The following MGAT5 variants were observed in gnomAD, a reference collection of about 807,000 sequenced individuals.
MGAT5 encodes alpha-1,6-mannosylglycoprotein 6-beta-N-acetylglucosaminyltransferase A.
In MGAT5, 30 loss-of-function variants were observed where a neutral mutation model predicts 94.3. The ratio of observed to expected loss-of-function variants is 0.32; its 90% CI spans 0.24 to 0.43. MGAT5 has a LOEUF of 0.43. MGAT5 is among the 20% of genes least tolerant of loss of function. The pLI is 1.00. For missense variants in MGAT5, 691 were observed against 905.5 expected, an observed-to-expected ratio of 0.76 and a Z score of 3.04; for synonymous variants, 310 against 322.9, an observed-to-expected ratio of 0.96 and a Z score of 0.43.
intron 10 of MGAT5, among the ~76,000 whole-genome samples, chr2:134,374,220 T>G (rs890456873): frequency 2.6e-5 from 4 of 152,176 alleles, no homozygotes; most frequent in Non-Finnish European, 5.9e-5. Flanking sequence ...CTCTTTCCGG[T>G]GGCTGTTTAC....
intron 1 of MGAT5, among the ~76,000 whole-genome samples, chr2:134,192,092 TG>T (rs1192314588): frequency 2.3e-5 from 3 of 132,816 alleles, no homozygotes; most frequent in Non-Finnish European, 3.2e-5. Flanking sequence ...GATGGAAGGG[TG>T]GGTTTGCGCG....
chr2:134,148,935 T>C (rs546253373), intron 1 of MGAT5, among the ~76,000 whole-genome samples: 3 of 152,204 alleles, frequency 2.0e-5, no homozygotes, highest in Admixed American at 2.0e-4. Flanking sequence ...ATTTTTGTTT[T>C]TGTACTTTTA....
intron 11 of MGAT5, 26 bp downstream of exon 11, chr2:134,403,163 T>C (rs771647639): frequency 1.3e-6 from 2 of 1,583,910 alleles, no homozygotes; most frequent in Non-Finnish European, 1.7e-6. Context: ...GGATGTGGTG[T>C]TCAGGTTATT....
chr2:134,319,858 A>G (rs908673722), intron 4 of MGAT5: 9 of 264,554 alleles, frequency 3.4e-5, no homozygotes, highest in African/African-American at 1.8e-4. Flanking sequence ...TAGCATGTGT[A>G]TGCTCAATTT....
chr2:134,420,784 C>T (rs955868795), intron 12 of MGAT5, among the ~76,000 whole-genome samples: 1 of 151,990 alleles, frequency 6.6e-6, no homozygotes, highest in African/African-American at 2.4e-5. Context: ...CTTGCCTACC[C>T]GTGTAATTTC....
At chr2:134,166,542 T>C (rs1249392959) in intron 1 of MGAT5, among the ~76,000 whole-genome samples, 1 of 152,236 alleles carries the variant, frequency 6.6e-6, no homozygotes, top group East Asian at 1.9e-4. Context: ...CTGAACTTCA[T>C]CTTTCAGACA....
At position 134,338,384 on chromosome 2, in the gene MGAT5, A is replaced by G. The variant is rs1688451195; in HGVS notation, c.771A>G (p.Ala257=). The G allele has an allele frequency of 1.9e-6, 3 of 1,611,536 alleles. No homozygotes were observed. The highest frequency in any genetic ancestry group is 2.5e-6 in the Non-Finnish European group (3 of 1,179,010). The change falls in exon 6 of 16, where the codon GCA becomes GCG. Residue 257 remains alanine, a synonymous_variant. Coordinates refer to ENST00000281923, the MANE Select transcript of MGAT5 (RefSeq NM_002410.5). ...DAWIQAIKSL[A]EKQNLEKRKR... ...GGATCCAAGCAATCAAGTCCCTGGC[A>G]GAAAAGCAGAACCTTGAAAAGAGAA... is the stretch of plus-strand genomic sequence containing the variant.
intron 2 of MGAT5, among the ~76,000 whole-genome samples, chr2:134,296,395 A>C (rs1685674543): frequency 6.6e-6 from 1 of 152,036 alleles, no homozygotes; most frequent in Admixed American, 6.6e-5. Context: ...AGTTTTTGTG[A>C]ATTTCCTGTT....
intron 10 of MGAT5, among the ~76,000 whole-genome samples, chr2:134,377,649 T>C (rs1000344628): frequency 5.9e-5 from 9 of 152,190 alleles, no homozygotes; most frequent in African/African-American, 2.2e-4. Flanking sequence ...ACAAAGGCAA[T>C]GTAGGCAGTG....
rs574881076 is a variant in MGAT5, at chr2:134,238,026, G to A, written c.-142-16236G>A. 2.5e-3 allele frequency among the ~76,000 whole-genome samples: 388 copies of A among 152,230 alleles called. 1 individual carries two copies. The highest frequency in any genetic ancestry group is 4.4e-3 in the South Asian group (21 of 4,810). ...GACCTCCCAAAGTGCTGGGATTACA[G>A]GCGTGAGCCACTGCGCCCGGCCTCC... On this transcript the variant is annotated intron_variant, in intron 1 of 16. Transcript: ENST00000409645.
At chr2:134,369,990 A>G (rs1680685258) in intron 10 of MGAT5, among the ~76,000 whole-genome samples, 1 of 152,176 alleles carries the variant, frequency 6.6e-6, no homozygotes, top group Non-Finnish European at 1.5e-5. Flanking sequence ...CTTTCCAGTA[A>G]GATTTAACTG....
At chr2:134,437,203 T>A in intron 14 of MGAT5, among the ~76,000 whole-genome samples, 1 of 152,184 alleles carries the variant, frequency 6.6e-6, no homozygotes. Flanking sequence ...TTGGTCAGGC[T>A]GGTCTCAAAC....
intron 1 of MGAT5, among the ~76,000 whole-genome samples, chr2:134,267,234 A>G (rs1683773962): frequency 6.6e-6 from 1 of 152,190 alleles, no homozygotes; most frequent in South Asian, 2.1e-4. Context: ...GGTGGGTAAG[A>G]GCCATCAGCC....
chr2:134,239,808 A>G (rs1681872982), intron 1 of MGAT5, among the ~76,000 whole-genome samples: 1 of 152,154 alleles, frequency 6.6e-6, no homozygotes, highest in Non-Finnish European at 1.5e-5. Flanking sequence ...ACGTAATACA[A>G]GAAGATAAAA....
At chr2:134,123,409 A>G (rs1685705352) in intron 1 of MGAT5, among the ~76,000 whole-genome samples, 1 of 152,198 alleles carries the variant, frequency 6.6e-6, no homozygotes, top group Admixed American at 6.5e-5. Flanking sequence ...AGAAAACTGC[A>G]GAGCAGTCAT....
rs891152188 is a variant in MGAT5, at chr2:134,254,253, C to T, written c.-151C>T. The T allele has an allele frequency of 3.4e-6, 3 of 892,314 alleles. No individual in the cohort carries two copies. Among genetic ancestry groups the T allele is most frequent in the Non-Finnish European group, 5.1e-6 (3 of 593,754 alleles). 55.3% of individuals were successfully genotyped at this position (892,314 alleles called of 1,614,324 possible). ...TGACCACTTGGCTAATTCTTCTCCT[C>T]CTTCACAGCAGAATGGAAGTGAGGA... On this transcript the variant is annotated 5_prime_UTR_variant, in exon 1 of 16. Coordinates refer to ENST00000281923, the MANE Select transcript of MGAT5 (RefSeq NM_002410.5).
intron 14 of MGAT5, among the ~76,000 whole-genome samples, chr2:134,439,960 C>T (rs1015195371): frequency 6.6e-6 from 1 of 152,174 alleles, no homozygotes; most frequent in Admixed American, 6.5e-5. Context: ...ACTCCTCCTC[C>T]GCACAGATCT....
rs781502687 is a variant in MGAT5, at chr2:134,312,399, G to A, written c.407-5130G>A. 7.1e-4 allele frequency among the ~76,000 whole-genome samples: 108 copies of A among 152,296 alleles called. No individual in the cohort carries two copies. The Middle Eastern group carries it at 0.024, about 34-fold the overall frequency. On this transcript the variant is annotated intron_variant, in intron 2 of 15. Coordinates refer to ENST00000281923, the MANE Select transcript of MGAT5 (RefSeq NM_002410.5). ...TCTCCCACTACTGCAGCTTCCTGCT[G>A]TTTTCCTCAGCTGTGTGGCATGTGC...
chr2:134,261,710 A>G (rs1178666143), intron 1 of MGAT5, among the ~76,000 whole-genome samples: 2 of 152,070 alleles, frequency 1.3e-5, no homozygotes, highest in African/African-American at 2.4e-5. Flanking sequence ...CCCACTTACA[A>G]TGTAAGTTCT....
Sources: allele counts gnomAD v4.1 joint callset (sites outside exome capture counted in the v4.1 genomes callset), GRCh38; gene constraint gnomAD v4.1.1; transcripts MANE v1.5; gene names NCBI Gene and HGNC (gene_info 2026-07-23, HGNC 2026-07-21).